The following ITPK1 variants were observed in gnomAD, a reference collection of about 807,000 sequenced individuals.
The protein encoded by ITPK1 is inositol-tetrakisphosphate 1-kinase.
Under a neutral mutation model 45.3 loss-of-function variants are expected in ITPK1, and 21 were observed. That is an observed-to-expected ratio of 0.46 (90% confidence interval 0.33 to 0.67). The LOEUF (loss-of-function observed/expected upper bound fraction) is 0.67, where lower values mean the gene tolerates loss of function less well. Among genes scored for constraint, ITPK1 ranks in the 30% least tolerant of loss-of-function variants. ITPK1 has a pLI of 0.02. For missense variants in ITPK1, 474 were observed against 573.5 expected, an observed-to-expected ratio of 0.83 and a Z score of 1.77; for synonymous variants, 258 against 253.6, an observed-to-expected ratio of 1.02 and a Z score of -0.16.
In ITPK1 at chr14:93,098,451, C is replaced by T. The variant is rs533608737; in HGVS notation, c.95+16618G>A. ...CAACCTGGGCGACAGAGCGAGATTC[C>T]GTCTCAAAAAAAAAAAACACACAAA... On this transcript the variant is annotated intron_variant, in intron 2 of 10. Coordinates refer to ENST00000267615, the MANE Select transcript of ITPK1 (RefSeq NM_014216.6). Among the ~76,000 whole-genome samples, 6 of 134,898 alleles carry T rather than the reference C, an allele frequency of 4.4e-5. No homozygotes were observed. The East Asian group carries it at 6.0e-4, about 13-fold the overall frequency. The allele number at this position is 134,898 out of a possible 152,430, so 88.5% of individuals were successfully genotyped here.
intron 2 of ITPK1, among the ~76,000 whole-genome samples, chr14:93,106,851 G>T (rs113864078): frequency 6.6e-6 from 1 of 152,078 alleles, no homozygotes; most frequent in African/African-American, 2.4e-5. Flanking sequence ...CCCACCCCTG[G>T]GGTTTCCTTC....
rs181251680 is a variant in ITPK1, at chr14:92,991,850, T to C, written c.364+2030A>G. On this transcript the variant is annotated intron_variant, in intron 5 of 10. Coordinates refer to ENST00000267615, the MANE Select transcript of ITPK1 (RefSeq NM_014216.6). ...CAATTAGGATGCTGGGGTCCTGCCA[T>C]CGTGGTGGGAACAGCTGGAGCAGCT... 1.2e-4 allele frequency among the ~76,000 whole-genome samples: 19 copies of C among 152,212 alleles called. No homozygotes were observed. In the East Asian group the frequency reaches 3.7e-3, roughly 29 times the overall value.
At chr14:93,049,275 A>G (rs1781279237) in intron 3 of ITPK1, among the ~76,000 whole-genome samples, 1 of 152,242 alleles carries the variant, frequency 6.6e-6, no homozygotes, top group Non-Finnish European at 1.5e-5. Flanking sequence ...GGCCTCCTGC[A>G]TGCAGGGCTC....
chr14:93,084,734 G>C (rs969107786), intron 2 of ITPK1, among the ~76,000 whole-genome samples: 4 of 152,162 alleles, frequency 2.6e-5, no homozygotes, highest in Non-Finnish European at 5.9e-5. Context: ...GGGGGAGGCA[G>C]CAGCAGCCTC....
At chr14:93,044,613 G>A (rs1282868879) in intron 3 of ITPK1, among the ~76,000 whole-genome samples, 2 of 152,206 alleles carry the variant, frequency 1.3e-5, no homozygotes, top group African/African-American at 4.8e-5. Flanking sequence ...CCCTGGGACT[G>A]ACCCAGATGC....
chr14:93,002,700 T>C (rs760349834), intron 4 of ITPK1, among the ~76,000 whole-genome samples: 1 of 152,134 alleles, frequency 6.6e-6, no homozygotes, highest in Non-Finnish European at 1.5e-5. Flanking sequence ...TGCGATTTCC[T>C]TTCCCAGAGG....
chr14:93,036,202 C>T lies in ITPK1; in HGVS notation c.121-19401G>A, dbSNP rs1239867391. 6.6e-6 allele frequency among the ~76,000 whole-genome samples: 1 copy of T among 152,132 alleles called. No homozygotes were observed. The highest frequency in any genetic ancestry group is 1.5e-5 in the Non-Finnish European group (1 of 68,016). Reference sequence around the variant, plus strand: ...AGCTGCGGGGAGCAGAGGCCACAACCGGAGGGACACTGTCCCCGTCCTACT... The same window carrying T: ...AGCTGCGGGGAGCAGAGGCCACAACTGGAGGGACACTGTCCCCGTCCTACT... On this transcript the variant is annotated intron_variant, in intron 3 of 10. Transcript: ENST00000267615. The surrounding 1 kb of genome is among the most constrained non-coding windows in gnomAD (Gnocchi z 4.1).
intron 2 of ITPK1, among the ~76,000 whole-genome samples, chr14:93,083,663 C>T (rs776668153): frequency 2.0e-5 from 3 of 152,150 alleles, no homozygotes; most frequent in Admixed American, 6.5e-5. Context: ...GGGCCCACAC[C>T]GTACCCCACA....
chr14:93,108,842 G>A (rs1032514139), intron 2 of ITPK1, among the ~76,000 whole-genome samples: 45 of 152,306 alleles, frequency 3.0e-4, no homozygotes, highest in Middle Eastern at 3.4e-3. Context: ...GCGAAACCCA[G>A]TCTCTACTAA....
intron 8 of ITPK1, among the ~76,000 whole-genome samples, chr14:92,953,333 C>A (rs772426298): frequency 6.6e-6 from 1 of 152,230 alleles, no homozygotes; most frequent in Non-Finnish European, 1.5e-5. Context: ...CAGAGCCAGT[C>A]CAGACGGGGG....
chr14:93,032,087 C>T lies in ITPK1; in HGVS notation c.121-15286G>A, dbSNP rs1342363305. Among the ~76,000 whole-genome samples, 2 of 152,100 alleles carry T rather than the reference C, an allele frequency of 1.3e-5. No individual in the cohort carries two copies. The highest frequency in any genetic ancestry group is 4.8e-5 in the African/African-American group (2 of 41,370). ...CAAAGCAGCCGGGTGCAGTGGCTCA[C>T]GCCTGTCATCCCAGCACTTTAGGAG... On this transcript the variant is annotated intron_variant, in intron 3 of 10. Transcript: ENST00000267615. This position sits in a 1 kb window ranked among gnomAD's most constrained non-coding sequence, Gnocchi z 4.0.
intron 8 of ITPK1, among the ~76,000 whole-genome samples, chr14:92,955,540 C>A (rs1330586422): frequency 6.6e-6 from 1 of 152,182 alleles, no homozygotes; most frequent in Non-Finnish European, 1.5e-5. Context: ...TCTGTGAATG[C>A]GAACCACAGG....
intron 3 of ITPK1, chr14:93,068,477 C>T (rs753769200): frequency 6.6e-6 from 1 of 152,366 alleles, no homozygotes; most frequent in Non-Finnish European, 1.5e-5. Flanking sequence ...CATGGGCTGT[C>T]CCAGCTCCAA....
intron 5 of ITPK1, among the ~76,000 whole-genome samples, chr14:92,965,855 T>C (rs1291747449): frequency 6.6e-6 from 1 of 151,508 alleles, no homozygotes; most frequent in Non-Finnish European, 1.5e-5. Flanking sequence ...AATACAAAAT[T>C]AGCCAGGCGT....
At chr14:93,019,696 T>C (rs1262414961) in intron 3 of ITPK1, among the ~76,000 whole-genome samples, 3 of 151,872 alleles carry the variant, frequency 2.0e-5, no homozygotes, top group African/African-American at 7.3e-5. Context: ...CAGGCTGCGG[T>C]CTCCCTCCAC....
chr14:93,090,288 C>A (rs561032230), intron 2 of ITPK1, among the ~76,000 whole-genome samples: 45 of 152,334 alleles, frequency 3.0e-4, no homozygotes, highest in African/African-American at 1.1e-3. Context: ...CTGGAACGCC[C>A]CCATCCCTGC....
chr14:93,105,647 G>A (rs1397507550), intron 2 of ITPK1, among the ~76,000 whole-genome samples: 2 of 149,748 alleles, frequency 1.3e-5, no homozygotes, highest in South Asian at 4.3e-4. Flanking sequence ...TCAGCCTGCC[G>A]AGTAGTAGCT....
In ITPK1 at chr14:92,941,428, A is replaced by G. The variant is rs1887388203; in HGVS notation, c.*133T>C. The G allele has an allele frequency of 7.1e-7, 1 of 1,418,096 alleles. No homozygotes were observed. The highest frequency in any genetic ancestry group is 9.1e-7 in the Non-Finnish European group (1 of 1,093,232). The allele number at this position is 1,418,096 out of a possible 1,614,324, so 87.8% of individuals were successfully genotyped here. On this transcript the variant is annotated 3_prime_UTR_variant, in exon 11 of 11. Coordinates refer to ENST00000267615, the MANE Select transcript of ITPK1 (RefSeq NM_014216.6). Reference sequence around the variant, plus strand: ...CTCATTTAGATCATGACATCAGAGAATCAGGTTAAAAATTAAAAAACAGAA... The same window carrying G: ...CTCATTTAGATCATGACATCAGAGAGTCAGGTTAAAAATTAAAAAACAGAA...
intron 3 of ITPK1, among the ~76,000 whole-genome samples, chr14:93,054,030 A>G (rs1890127226): frequency 6.6e-6 from 1 of 152,226 alleles, no homozygotes; most frequent in South Asian, 2.1e-4. Flanking sequence ...GCTTAGAAGC[A>G]CTTCCTGGCA....
Sources: gnomAD v4.1 joint callset for allele counts (sites outside exome capture counted in the v4.1 genomes callset) on GRCh38, gnomAD v4.1.1 for gene constraint, Gnocchi (gnomAD v3.1) non-coding constraint, MANE v1.5 for transcripts, NCBI Gene and HGNC (gene_info 2026-07-23, HGNC 2026-07-21) for gene names.